The following MTREX variants were observed in gnomAD, a reference collection of about 807,000 sequenced individuals.
MTREX encodes the protein exosome RNA helicase MTR4.
In MTREX, 76 loss-of-function variants were observed where a neutral mutation model predicts 135.4. The ratio of observed to expected loss-of-function variants is 0.56; its 90% CI spans 0.47 to 0.68. The LOEUF is 0.68. MTREX is among the 30% of genes least tolerant of loss of function. MTREX has a pLI of 0.00. For synonymous variants in MTREX, 404 were observed against 401.6 expected, an observed-to-expected ratio of 1.01 and a Z score of -0.07; for missense variants, 920 against 1,262.1, an observed-to-expected ratio of 0.73 and a Z score of 4.11.
At chr5:55,375,120 G>A (rs964127045) in intron 16 of MTREX, among the ~76,000 whole-genome samples, 3 of 152,196 alleles carry the variant, frequency 2.0e-5, no homozygotes, top group Admixed American at 1.3e-4. Context: ...GGCAAGTGGA[G>A]GCAGGGCGAG....
intron 4 of MTREX, among the ~76,000 whole-genome samples, chr5:55,328,344 A>G (rs1285882828): frequency 2.0e-5 from 3 of 152,184 alleles, no homozygotes; most frequent in Admixed American, 6.5e-5. Flanking sequence ...AATAATATCT[A>G]TGATAGGGGT....
chr5:55,343,469 CT>C lies in MTREX; in HGVS notation c.906+20del. 1 of 1,607,902 alleles carries C rather than the reference CT, an allele frequency of 6.2e-7. No individual in the cohort carries two copies. Among genetic ancestry groups the C allele is most frequent in the Non-Finnish European group, 8.5e-7 (1 of 1,176,614 alleles). Reference sequence around the variant, plus strand: ...TTACATAAACAGGTATTTTTTCCTCCTTTTTTGATGTCTTCAATATTCAAAA... The same window carrying C: ...TTACATAAACAGGTATTTTTTCCTCCTTTTTGATGTCTTCAATATTCAAAA... On this transcript the variant is annotated intron_variant, in intron 8 of 26. Coordinates refer to ENST00000230640, the MANE Select transcript of MTREX (RefSeq NM_015360.5).
chr5:55,392,386 A>G (rs1455651993), intron 19 of MTREX, among the ~76,000 whole-genome samples: 1 of 152,088 alleles, frequency 6.6e-6, no homozygotes, highest in Non-Finnish European at 1.5e-5. Flanking sequence ...TGTACTAAAA[A>G]TACAAAAATT....
rs775202744 is a variant in MTREX, at chr5:55,353,117, G to A, written c.1432-51G>A. ...CATTTACTTAAAAATTATAAAACCAGATTTTCAGCTTAAAATACATGTTTA... is the reference window on the plus strand; with the variant it reads ...CATTTACTTAAAAATTATAAAACCAAATTTTCAGCTTAAAATACATGTTTA... On this transcript the variant is annotated intron_variant, in intron 13 of 26. Coordinates refer to ENST00000230640, the MANE Select transcript of MTREX (RefSeq NM_015360.5). The A allele has an allele frequency of 4.7e-6, 6 of 1,284,608 alleles. No homozygotes were observed. The Admixed American group carries it at 1.5e-4, about 33-fold the overall frequency. 79.6% of individuals were successfully genotyped at this position (1,284,608 alleles called of 1,614,324 possible).
intron 19 of MTREX, among the ~76,000 whole-genome samples, chr5:55,391,687 C>T (rs1750570089): frequency 6.6e-6 from 1 of 152,270 alleles, no homozygotes; most frequent in Non-Finnish European, 1.5e-5. Context: ...CCAGAATGAA[C>T]ATTTTTTTCT....
chr5:55,380,627 C>A (rs1243194521), intron 18 of MTREX, among the ~76,000 whole-genome samples: 2 of 152,044 alleles, frequency 1.3e-5, no homozygotes, highest in Admixed American at 1.3e-4. Flanking sequence ...AGATAAATCC[C>A]AGTTTGTCAT....
intron 22 of MTREX, among the ~76,000 whole-genome samples, chr5:55,409,618 G>A (rs1267768707): frequency 1.3e-5 from 2 of 152,146 alleles, no homozygotes; most frequent in Non-Finnish European, 2.9e-5. Context: ...AAATCAAGTT[G>A]TCAGTTTAAA....
At position 55,376,637 on chromosome 5, in the gene MTREX, T is replaced by C. The variant is rs1414796857; in HGVS notation, c.1811-1677T>C. Among the ~76,000 whole-genome samples the C allele has an allele frequency of 3.1e-4, 47 of 152,248 alleles. 1 individual carries two copies. The highest frequency in any genetic ancestry group is 3.0e-3 in the Admixed American group (46 of 15,292). On this transcript the variant is annotated intron_variant, in intron 16 of 26. Coordinates refer to ENST00000230640, the MANE Select transcript of MTREX (RefSeq NM_015360.5). ...CTAGTTCTATACCTGTATAACCTTA[T>C]CACATCTAAATAGAATACAATGTGG... is the stretch of plus-strand genomic sequence containing the variant.
At chr5:55,334,889 G>C (rs1288465843) in intron 5 of MTREX, among the ~76,000 whole-genome samples, 1 of 151,940 alleles carries the variant, frequency 6.6e-6, no homozygotes, top group African/African-American at 2.4e-5. Flanking sequence ...GTATTTTATG[G>C]CAAATATGTA....
chr5:55,379,903 C>T (rs931600709), intron 18 of MTREX, among the ~76,000 whole-genome samples: 24 of 152,154 alleles, frequency 1.6e-4, no homozygotes, highest in African/African-American at 5.6e-4. Context: ...GCTGTAGATT[C>T]CTTTCACCTT....
chr5:55,326,139 A>G (rs867774371), intron 3 of MTREX, among the ~76,000 whole-genome samples: 9 of 152,240 alleles, frequency 5.9e-5, no homozygotes, highest in Middle Eastern at 3.4e-3. Flanking sequence ...GCTCACGTCT[A>G]TAATCCCAGC....
chr5:55,350,996 T>A lies in MTREX; in HGVS notation c.1398T>A (p.Thr466=). 1.2e-6 allele frequency: 2 copies of A among 1,606,020 alleles called. No homozygotes were observed. Among genetic ancestry groups the A allele is most frequent in the East Asian group, 2.2e-5 (1 of 44,534 alleles). ...GTTTACTTCCTATTTTGAAAGAAAC[T>A]ATAGAAATTCTCTTTTCTGAAGGAT... ...HGGLLPILKE[T]IEILFSEGLI... is the part of the protein sequence containing the mutation. Residue 466 remains threonine, a synonymous_variant, in exon 13 of 27, where the codon ACT becomes ACA. Coordinates refer to ENST00000230640, the MANE Select transcript of MTREX (RefSeq NM_015360.5).
At chr5:55,399,682 T>C (rs909411977) in intron 20 of MTREX, among the ~76,000 whole-genome samples, 19 of 151,962 alleles carry the variant, frequency 1.3e-4, no homozygotes, top group African/African-American at 3.6e-4. Context: ...AGAGACGGGG[T>C]TTCACCGTGT....
At chr5:55,365,431 T>G (rs1271714277) in intron 15 of MTREX, among the ~76,000 whole-genome samples, 4 of 152,162 alleles carry the variant, frequency 2.6e-5, no homozygotes, top group African/African-American at 9.7e-5. Flanking sequence ...GAGACACAGA[T>G]GAGAAGTCTC....
At chr5:55,410,259 G>T (rs1383323831) in intron 22 of MTREX, among the ~76,000 whole-genome samples, 3 of 151,946 alleles carry the variant, frequency 2.0e-5, no homozygotes, top group African/African-American at 7.2e-5. Flanking sequence ...GCATACTAAA[G>T]GTTAAGAAAT....
At chr5:55,385,601 G>T (rs923103420) in intron 18 of MTREX, among the ~76,000 whole-genome samples, 1 of 152,114 alleles carries the variant, frequency 6.6e-6, no homozygotes. Flanking sequence ...AGATATCAAA[G>T]ACTTTACTGA....
chr5:55,421,059 T>A (rs893881691), intron 25 of MTREX, among the ~76,000 whole-genome samples: 1 of 151,898 alleles, frequency 6.6e-6, no homozygotes, highest in East Asian at 1.9e-4. Flanking sequence ...AAAAAAAAAT[T>A]TTGTAACAAA....
chr5:55,419,386 G>A (rs1188123827), intron 25 of MTREX, among the ~76,000 whole-genome samples: 1 of 152,194 alleles, frequency 6.6e-6, no homozygotes, highest in Non-Finnish European at 1.5e-5. Context: ...ACTGAGGCTA[G>A]TTAACACTGT....
intron 15 of MTREX, among the ~76,000 whole-genome samples, chr5:55,360,026 A>G (rs1393828152): frequency 6.6e-6 from 1 of 152,110 alleles, no homozygotes; most frequent in Non-Finnish European, 1.5e-5. Context: ...CATCACCACA[A>G]TCAATTTTAG....
Sources: allele counts gnomAD v4.1 joint callset (sites outside exome capture counted in the v4.1 genomes callset), GRCh38; gene constraint gnomAD v4.1.1; transcripts MANE v1.5; gene names NCBI Gene and HGNC (gene_info 2026-07-23, HGNC 2026-07-21).